DOCK4: variants seen among roughly 807,000 people sequenced by gnomAD.
The protein encoded by DOCK4 is dedicator of cytokinesis 4, also known as dedicator of cytokinesis protein 4.
DOCK4 carries 97 observed loss-of-function variants against 268.1 expected under a neutral mutation model. The ratio of observed to expected loss-of-function variants is 0.36; its 90% CI spans 0.31 to 0.43. The LOEUF (loss-of-function observed/expected upper bound fraction) is 0.43, where lower values mean the gene tolerates loss of function less well. DOCK4 is among the 20% of genes least tolerant of loss of function. DOCK4 has a pLI of 1.00. For synonymous variants in DOCK4, 954 were observed against 887.2 expected (o/e 1.08, Z -1.34); for missense variants, 2,145 against 2,455.7 (o/e 0.87, Z 2.67).
At chr7:111,854,301 T>C (rs188139405) in intron 23 of DOCK4, among the ~76,000 whole-genome samples, 23 of 152,338 alleles carry the variant, frequency 1.5e-4, no homozygotes, top group African/African-American at 5.1e-4. Flanking sequence ...AGACATTGTA[T>C]GGAAAAGCAC....
At chr7:111,960,556 A>G (rs1228046332) in intron 8 of DOCK4, among the ~76,000 whole-genome samples, 1 of 143,582 alleles carries the variant, frequency 7.0e-6, no homozygotes, top group African/African-American at 2.6e-5. Flanking sequence ...TTGGTGATGA[A>G]AACACTTAAA....
At chr7:112,106,859 G>T (rs1166008375) in intron 1 of DOCK4, among the ~76,000 whole-genome samples, 2 of 152,132 alleles carry the variant, frequency 1.3e-5, no homozygotes, top group African/African-American at 4.8e-5. Flanking sequence ...AAAGAACAAT[G>T]AGTATCACTT....
chr7:111,922,828 G>A (rs536873325), intron 12 of DOCK4, among the ~76,000 whole-genome samples: 9 of 152,094 alleles, frequency 5.9e-5, no homozygotes, highest in South Asian at 2.1e-4. Flanking sequence ...GTATCCACCC[G>A]CCTCAGCCTC....
At chr7:112,196,450 A>G (rs1259236538) in intron 1 of DOCK4, among the ~76,000 whole-genome samples, 2 of 152,200 alleles carry the variant, frequency 1.3e-5, no homozygotes, top group African/African-American at 2.4e-5. Flanking sequence ...ACACTTCTCA[A>G]TGGTGAAGTG....
intron 1 of DOCK4, among the ~76,000 whole-genome samples, chr7:112,073,792 T>C (rs954373577): frequency 6.6e-6 from 1 of 152,104 alleles, no homozygotes; most frequent in Non-Finnish European, 1.5e-5. Flanking sequence ...AGAAGTTGGT[T>C]AACAGATACA....
intron 1 of DOCK4, among the ~76,000 whole-genome samples, chr7:112,145,389 A>T (rs1478165471): frequency 2.0e-5 from 3 of 152,172 alleles, no homozygotes; most frequent in Non-Finnish European, 2.9e-5. Context: ...AAACTCCCAT[A>T]TGCTAGGCCT....
intron 47 of DOCK4, among the ~76,000 whole-genome samples, chr7:111,740,505 G>A (rs529205940): frequency 6.6e-6 from 1 of 150,574 alleles, no homozygotes; most frequent in African/African-American, 2.4e-5. Flanking sequence ...GGCCAAATTG[G>A]GCAGATCACT....
At chr7:112,116,821 T>C (rs1404548506) in intron 1 of DOCK4, among the ~76,000 whole-genome samples, 2 of 152,190 alleles carry the variant, frequency 1.3e-5, no homozygotes, top group Non-Finnish European at 2.9e-5. Context: ...CTCGAAATCT[T>C]GGCCTCAAGT....
chr7:112,039,122 C>T (rs901906934), intron 1 of DOCK4, among the ~76,000 whole-genome samples: 16 of 152,222 alleles, frequency 1.1e-4, no homozygotes, highest in African/African-American at 2.6e-4. Flanking sequence ...ATATTGTTTC[C>T]GGCTCAGTGA....
At chr7:111,988,638 T>C (rs1799241905) in intron 6 of DOCK4, among the ~76,000 whole-genome samples, 1 of 152,210 alleles carries the variant, frequency 6.6e-6, no homozygotes, top group Admixed American at 6.5e-5. Flanking sequence ...TGGTGACCTA[T>C]TACCATGACA....
intron 1 of DOCK4, among the ~76,000 whole-genome samples, chr7:112,014,172 G>T (rs961263738): frequency 6.6e-6 from 1 of 152,182 alleles, no homozygotes; most frequent in Admixed American, 6.5e-5. Context: ...AGTTTCCTAC[G>T]TTTTCTGTTT....
intron 15 of DOCK4, among the ~76,000 whole-genome samples, chr7:111,899,781 G>C (rs1790978967): frequency 6.6e-6 from 1 of 152,184 alleles, no homozygotes; most frequent in Non-Finnish European, 1.5e-5. Flanking sequence ...AAATTAGCCA[G>C]GCGTGGTGGC....
chr7:112,206,056 T>A (rs1821380837), intron 1 of DOCK4, 46 bp downstream of exon 1: 1 of 1,554,018 alleles, frequency 6.4e-7, no homozygotes, highest in African/African-American at 1.4e-5. Flanking sequence ...AAATGCGCAC[T>A]CGCTCGGGCC....
intron 26 of DOCK4, 122 bp from the exon 27 acceptor site, chr7:111,822,578 C>A: frequency 1.2e-6 from 1 of 867,618 alleles, no homozygotes. Flanking sequence ...GAGAAGGGAG[C>A]CATAGTTTAA....
chr7:111,977,465 T>C (rs553821646), intron 7 of DOCK4, among the ~76,000 whole-genome samples, 182 bp from the exon 8 acceptor site: 2 of 152,218 alleles, frequency 1.3e-5, no homozygotes, highest in South Asian at 2.1e-4. Flanking sequence ...ACTGTGGACA[T>C]AGAAATAGTC....
At chr7:111,999,170 A>G (rs1380691306) in intron 3 of DOCK4, among the ~76,000 whole-genome samples, 3 of 152,184 alleles carry the variant, frequency 2.0e-5, no homozygotes, top group Non-Finnish European at 2.9e-5. Flanking sequence ...ATGAGCATCA[A>G]TTTGATTGTT....
chr7:112,155,423 TG>T (rs1316043521), intron 1 of DOCK4, among the ~76,000 whole-genome samples: 3 of 152,194 alleles, frequency 2.0e-5, no homozygotes, highest in Non-Finnish European at 2.9e-5. Flanking sequence ...GAATTAAGAA[TG>T]GGTGTTGAGG....
At position 111,726,233 on chromosome 7, in the gene DOCK4, G is replaced by A. The variant is rs1358461091; in HGVS notation, c.*2041C>T. 6.7e-6 allele frequency: 1 copy of A among 150,224 alleles called. No individual in the cohort carries two copies. Among genetic ancestry groups the A allele is most frequent in the Non-Finnish European group, 1.5e-5 (1 of 68,028 alleles). 9.3% of individuals were successfully genotyped at this position (150,224 alleles called of 1,614,324 possible). A position where few individuals can be genotyped will look rare whatever the true frequency, so the allele number is the denominator to read the frequency against. On this transcript the variant is annotated 3_prime_UTR_variant, in exon 53 of 53. Coordinates refer to ENST00000428084, the MANE Select transcript of DOCK4 (RefSeq NM_001363540.2). ...AGCTGCTTCAGAAATACACACACATGATAAATTCAAGATAAATTCAACTGC... is the reference window on the plus strand; with the variant it reads ...AGCTGCTTCAGAAATACACACACATAATAAATTCAAGATAAATTCAACTGC...
chr7:112,026,870 G>A (rs1802843852), intron 1 of DOCK4, among the ~76,000 whole-genome samples: 1 of 152,086 alleles, frequency 6.6e-6, no homozygotes, highest in South Asian at 2.1e-4. Context: ...CTCACTTCAA[G>A]GGCACTTTGA....
Sources: allele counts gnomAD v4.1 joint callset (sites outside exome capture counted in the v4.1 genomes callset), GRCh38; gene constraint gnomAD v4.1.1; transcripts MANE v1.5; gene names NCBI Gene and HGNC (gene_info 2026-07-23, HGNC 2026-07-21).